Variants in SLC7A8 observed in about 807,000 individuals in gnomAD.
SLC7A8 encodes the protein large neutral amino acids transporter small subunit 2.
A neutral mutation model predicts 51.2 loss-of-function variants in SLC7A8; 30 were observed. The ratio of observed to expected loss-of-function variants is 0.59; its 90% CI spans 0.44 to 0.80. SLC7A8 has a LOEUF of 0.80. SLC7A8 is among the 30% of genes least tolerant of loss of function. The pLI is 0.00. For synonymous variants in SLC7A8, 257 were observed against 275.8 expected (o/e 0.93, Z 0.67); for missense variants, 612 against 674.4 (o/e 0.91, Z 1.03).
At chr14:23,140,352 TCA>T in intron 5 of SLC7A8, 117 bp downstream of exon 5, 1 of 1,107,052 alleles carries the variant, frequency 9.0e-7, no homozygotes, top group Non-Finnish European at 1.3e-6. Flanking sequence ...ATAGATCAAA[TCA>T]CAGTTAGAAT....
At position 23,129,647 on chromosome 14, in the gene SLC7A8, C is replaced by T. The variant is rs2048612935; in HGVS notation, c.1263+3G>A. The T allele has an allele frequency of 6.2e-7, 1 of 1,613,534 alleles. No individual in the cohort carries two copies. Among genetic ancestry groups the T allele is most frequent in the African/African-American group, 1.3e-5 (1 of 74,904 alleles). On this transcript the variant is annotated splice_donor_region_variant and intron_variant, in intron 9 of 10. Coordinates refer to ENST00000316902, the MANE Select transcript of SLC7A8 (RefSeq NM_012244.4). ...AGGGGACCCCAAAGGGAGTTTCTCT[C>T]ACCTTGATGGGGCGGGGGATATCAG...
intron 7 of SLC7A8, among the ~76,000 whole-genome samples, chr14:23,136,051 G>A (rs886647114): frequency 3.3e-5 from 5 of 152,122 alleles, no homozygotes; most frequent in Non-Finnish European, 5.9e-5. Flanking sequence ...AGCTTGATAG[G>A]AACAAAAAGG....
chr14:23,141,393 C>T (rs934767558), intron 4 of SLC7A8, among the ~76,000 whole-genome samples: 3 of 152,230 alleles, frequency 2.0e-5, no homozygotes, highest in Non-Finnish European at 4.4e-5. Context: ...GCTTGTTTTG[C>T]TGCTTGCTTT....
chr14:23,149,658 C>A (rs2048829633), intron 3 of SLC7A8, among the ~76,000 whole-genome samples: 1 of 152,192 alleles, frequency 6.6e-6, no homozygotes, highest in Admixed American at 6.5e-5. Flanking sequence ...CTGTGGTAGA[C>A]AACACCAAAA....
chr14:23,138,427 A>G (rs921038330), intron 6 of SLC7A8, among the ~76,000 whole-genome samples: 1 of 152,216 alleles, frequency 6.6e-6, no homozygotes, highest in African/African-American at 2.4e-5. Flanking sequence ...AGGGAAGGGC[A>G]CAGGCTTGTC....
intron 1 of SLC7A8, 67 bp downstream of exon 1, chr14:23,182,697 G>C: frequency 6.8e-7 from 1 of 1,474,064 alleles, no homozygotes; most frequent in Non-Finnish European, 9.1e-7. Context: ...GCTTTCGAAG[G>C]GTTAAGATCT....
Position 23,137,921 on chromosome 14 carries a change from C to A in SLC7A8, c.1016G>T (p.Arg339Leu). The change falls in exon 7 of 11, where the codon CGG (arginine) becomes CTG (leucine). Residue 339 changes from arginine (R) to leucine (L), a missense_variant and splice_region_variant. By Grantham distance (102) the Arg-to-Leu change is moderately radical (BLOSUM62 -2). Transcript: ENST00000316902. ...GGGGAAGGGCCCAGGCAGCACTCAC[C>A]GAGAGGAGGTGAAGAGAGACCCATT... is the stretch of plus-strand genomic sequence containing the variant. Reference protein sequence around the residue: ...GVNGSLFTSSRLFFAGAREGH... With the variant: ...GVNGSLFTSSLLFFAGAREGH... 6.2e-7 allele frequency: 1 copy of A among 1,613,582 alleles called. No individual in the cohort carries two copies. The highest frequency in any genetic ancestry group is 8.5e-7 in the Non-Finnish European group (1 of 1,179,936).
chr14:23,151,815 G>A (rs993442390), intron 3 of SLC7A8, among the ~76,000 whole-genome samples: 1 of 149,168 alleles, frequency 6.7e-6, no homozygotes, highest in Non-Finnish European at 1.5e-5. Flanking sequence ...TGTAATCCCA[G>A]CACTTTGGGA....
At chr14:23,148,848 G>A (rs1258008751) in intron 3 of SLC7A8, among the ~76,000 whole-genome samples, 2 of 152,188 alleles carry the variant, frequency 1.3e-5, no homozygotes, top group East Asian at 3.8e-4. Flanking sequence ...GACTAAGATA[G>A]TACATTTGCA....
chr14:23,169,182 C>T (rs1347082946), intron 1 of SLC7A8, among the ~76,000 whole-genome samples: 2 of 152,186 alleles, frequency 1.3e-5, no homozygotes, highest in East Asian at 1.9e-4. Context: ...GATCCTATCT[C>T]TAACAAAAAA....
chr14:23,165,046 G>A lies in SLC7A8; in HGVS notation c.508+239C>T, dbSNP rs914707820. Among the ~76,000 whole-genome samples the A allele has an allele frequency of 5.9e-5, 9 of 151,368 alleles. No individual in the cohort carries two copies. Among genetic ancestry groups the A allele is most frequent in the Non-Finnish European group, 1.3e-4 (9 of 67,902 alleles). On this transcript the variant is annotated intron_variant, in intron 3 of 10. Coordinates refer to ENST00000316902, the MANE Select transcript of SLC7A8 (RefSeq NM_012244.4). This position sits in a 1 kb window ranked among gnomAD's most constrained non-coding sequence, Gnocchi z 4.2. Reference sequence around the variant, plus strand: ...GAGTCAGAGACATGTAGACCTCCAGGGAGGATAAAAGAGGCTGTCCCTCAG... The same window carrying A: ...GAGTCAGAGACATGTAGACCTCCAGAGAGGATAAAAGAGGCTGTCCCTCAG...
At chr14:23,175,078 T>C (rs7145842) in intron 1 of SLC7A8, among the ~76,000 whole-genome samples, 4,800 of 152,294 alleles carry the variant, frequency 0.032, 283 homozygotes, top group African/African-American at 0.11. Context: ...CTCAGTAGCC[T>C]GGCAACTTGA....
Position 23,143,204 on chromosome 14 carries a change from A to G in SLC7A8, c.509T>C (p.Leu170Ser). 1 of 1,614,162 alleles carries G rather than the reference A, an allele frequency of 6.2e-7. No individual in the cohort carries two copies. The highest frequency in any genetic ancestry group is 1.3e-5 in the African/African-American group (1 of 75,054). The part of the protein sequence containing the change: ...GLRLLAAICL[L>S]LLTWVNCSSV... The stretch of plus-strand genomic sequence containing the variant: ...GGAACAGTTGACCCATGTGAGGAGC[A>G]CTGAAATGAAAGACCCCCAAACAGA... Residue 170 changes from leucine to serine, a missense_variant and splice_region_variant, in exon 4 of 11, where the codon TTG becomes TCG. Transcript: ENST00000316902.
intron 7 of SLC7A8, among the ~76,000 whole-genome samples, chr14:23,137,676 G>C (rs1372166444): frequency 2.6e-5 from 4 of 152,100 alleles, no homozygotes; most frequent in Admixed American, 6.5e-5. Flanking sequence ...AATGAGACAG[G>C]CCACTACATG....
chr14:23,156,449 T>C (rs1452474179), intron 3 of SLC7A8: 1 of 152,282 alleles, frequency 6.6e-6, no homozygotes, highest in Non-Finnish European at 1.5e-5. Flanking sequence ...GATGCCCTTT[T>C]TTCTTTCCCC....
At chr14:23,163,541 C>A (rs77863888) in intron 3 of SLC7A8, among the ~76,000 whole-genome samples, 2 of 152,108 alleles carry the variant, frequency 1.3e-5, no homozygotes, top group African/African-American at 4.8e-5. Context: ...CCAAGGAGAC[C>A]GCCTCTTGGG....
intron 4 of SLC7A8, among the ~76,000 whole-genome samples, chr14:23,141,715 A>C (rs1396129092): frequency 1.3e-5 from 2 of 152,154 alleles, no homozygotes; most frequent in Non-Finnish European, 2.9e-5. Flanking sequence ...TGGCCTCCCA[A>C]AGTGCTGGGA....
At chr14:23,172,540 C>T (rs889391861) in intron 1 of SLC7A8, among the ~76,000 whole-genome samples, 1 of 152,098 alleles carries the variant, frequency 6.6e-6, no homozygotes, top group African/African-American at 2.4e-5. Flanking sequence ...AGTGTTGCGC[C>T]CTCAAATAAG....
In SLC7A8 at chr14:23,128,323, C is replaced by T. The variant is rs2048599488; in HGVS notation, c.1264-127G>A. On this transcript the variant is annotated intron_variant, in intron 9 of 10. Transcript: ENST00000316902. This position sits in a 1 kb window ranked among gnomAD's most constrained non-coding sequence, Gnocchi z 4.3. ...CCTCAAGGGCAAAGGCTGGGCTTCC[C>T]TCGGCTCTGTGGTCCCACACTCACC... 6.5e-7 allele frequency: 1 copy of T among 1,544,938 alleles called. No homozygotes were observed.
Sources: gnomAD v4.1 joint callset for allele counts (sites outside exome capture counted in the v4.1 genomes callset) on GRCh38, gnomAD v4.1.1 for gene constraint, Gnocchi (gnomAD v3.1) non-coding constraint, MANE v1.5 for transcripts, NCBI Gene and HGNC (gene_info 2026-07-23, HGNC 2026-07-21) for gene names.